Variants in GRIP1 observed in about 807,000 individuals in gnomAD.
The protein encoded by GRIP1 is glutamate receptor interacting protein 1.
In GRIP1, 45 loss-of-function variants were observed where a neutral mutation model predicts 129.9. The observed-to-expected ratio is 0.35, with a 90% CI of 0.27 to 0.44. The LOEUF (loss-of-function observed/expected upper bound fraction) is 0.44. GRIP1 is among the 20% of genes least tolerant of loss of function. The probability of loss-of-function intolerance (pLI) is 1.00; values close to 1 mark genes in which losing one functional copy is unlikely to be tolerated. For synonymous variants in GRIP1, 530 were observed against 520.8 expected (o/e 1.02, Z -0.24); for missense variants, 1,196 against 1,396.8 (o/e 0.86, Z 2.29).
rs539893078 is a variant in GRIP1 at position 67,056,920 on chromosome 12, C to T, written c.58+12130G>A. On this transcript the variant is annotated intron_variant, in intron 1 of 1. Coordinates refer to the GRIP1 transcript ENST00000643019. ...CCGCCTCCCGGGTTCAAGCGATTCT[C>T]CTGCCTCAATCTCCCAAGTAGCTGG... Among the ~76,000 whole-genome samples the T allele has an allele frequency of 9.5e-4, 145 of 152,268 alleles. 5 individuals carry two copies. In the South Asian group the frequency reaches 0.029, roughly 30 times the overall value.
At chr12:66,582,070 C>T (rs1351091729) in intron 2 of GRIP1, among the ~76,000 whole-genome samples, 1 of 152,156 alleles carries the variant, frequency 6.6e-6, no homozygotes, top group Non-Finnish European at 1.5e-5. Flanking sequence ...ATCAAGTGGG[C>T]TTCAACCCTG....
intron 7 of GRIP1, among the ~76,000 whole-genome samples, chr12:66,502,073 T>C (rs890537340): frequency 6.6e-6 from 1 of 152,170 alleles, no homozygotes; most frequent in Non-Finnish European, 1.5e-5. Flanking sequence ...TTTGTATTTA[T>C]GGTTACATCA....
At chr12:66,784,953 C>G (rs1236872480) in intron 1 of GRIP1, among the ~76,000 whole-genome samples, 1 of 152,152 alleles carries the variant, frequency 6.6e-6, no homozygotes, top group Non-Finnish European at 1.5e-5. Flanking sequence ...CCTGTGAGGT[C>G]TGACCAGCCC....
At chr12:66,428,060 A>G (rs2058039944) in intron 14 of GRIP1, among the ~76,000 whole-genome samples, 1 of 152,168 alleles carries the variant, frequency 6.6e-6, no homozygotes, top group Non-Finnish European at 1.5e-5. Flanking sequence ...CCCTGCAACA[A>G]ATGCTTCACT....
At chr12:66,499,975 C>T (rs2060345851) in intron 7 of GRIP1, among the ~76,000 whole-genome samples, 2 of 152,110 alleles carry the variant, frequency 1.3e-5, no homozygotes, top group Admixed American at 1.3e-4. Context: ...CTCACAACAG[C>T]CTGGGCGACA....
At chr12:66,395,912 T>C (rs1218460124) in intron 16 of GRIP1, among the ~76,000 whole-genome samples, 1 of 152,152 alleles carries the variant, frequency 6.6e-6, no homozygotes, top group Non-Finnish European at 1.5e-5. Flanking sequence ...GAGAGAAACA[T>C]CAAGATAGAG....
At chr12:66,844,707 G>A (rs1228404277) in intron 1 of GRIP1, among the ~76,000 whole-genome samples, 2 of 152,146 alleles carry the variant, frequency 1.3e-5, no homozygotes, top group African/African-American at 2.4e-5. Flanking sequence ...CAACCCAAAT[G>A]TCCATCAATG....
At chr12:66,589,649 CAG>C (rs2063781343) in intron 2 of GRIP1, among the ~76,000 whole-genome samples, 1 of 152,096 alleles carries the variant, frequency 6.6e-6, no homozygotes, top group African/African-American at 2.4e-5. Flanking sequence ...TATAAAATTA[CAG>C]AGAGTAAAGC....
At chr12:66,688,004 A>G (rs1418726663) in intron 1 of GRIP1, among the ~76,000 whole-genome samples, 1 of 152,184 alleles carries the variant, frequency 6.6e-6, no homozygotes, top group Non-Finnish European at 1.5e-5. Context: ...TTATCACCAC[A>G]TGGGAAAAGC....
chr12:66,458,084 T>C (rs1565759594), intron 9 of GRIP1, among the ~76,000 whole-genome samples: 2 of 152,242 alleles, frequency 1.3e-5, no homozygotes, highest in Non-Finnish European at 2.9e-5. Context: ...ATTTCACTCG[T>C]TGGACATTTA....
At chr12:66,847,535 T>C (rs1350756053) in intron 1 of GRIP1, among the ~76,000 whole-genome samples, 1 of 152,216 alleles carries the variant, frequency 6.6e-6, no homozygotes, top group East Asian at 1.9e-4. Context: ...CTTGTATTAA[T>C]CAGATGTTGC....
intron 1 of GRIP1, among the ~76,000 whole-genome samples, chr12:66,737,239 CCT>C (rs1255628856): frequency 1.3e-5 from 2 of 152,060 alleles, no homozygotes; most frequent in South Asian, 2.1e-4. Flanking sequence ...TGCAAATTGT[CCT>C]CTGTTTCACC....
At chr12:66,589,194 TTCTCTCTCTC>T (rs10582806) in intron 2 of GRIP1, among the ~76,000 whole-genome samples, 56 of 95,630 alleles carry the variant, frequency 5.9e-4, no homozygotes, top group African/African-American at 2.1e-3. Context: ...CTCCCCCACC[TTCTCTCTCTC>T]TCTCTCTCTC....
At chr12:66,930,462 T>C (rs1308139230) in intron 1 of GRIP1, among the ~76,000 whole-genome samples, 3 of 151,102 alleles carry the variant, frequency 2.0e-5, no homozygotes, top group African/African-American at 7.3e-5. Flanking sequence ...CTGCATAGTA[T>C]TCCATGGTGT....
chr12:66,467,357 TA>T (rs1438496627), intron 7 of GRIP1, among the ~76,000 whole-genome samples: 1 of 152,210 alleles, frequency 6.6e-6, no homozygotes, highest in East Asian at 1.9e-4. Flanking sequence ...GACATCAGAC[TA>T]GGGCCAATGA....
chr12:66,534,634 G>A (rs184106541), intron 4 of GRIP1, among the ~76,000 whole-genome samples: 7 of 151,788 alleles, frequency 4.6e-5, no homozygotes, highest in East Asian at 1.9e-4. Flanking sequence ...CTCCTTCTCC[G>A]TCTTTCTCCC....
At chr12:66,580,489 C>T (rs182823439) in intron 2 of GRIP1, among the ~76,000 whole-genome samples, 46 of 152,280 alleles carry the variant, frequency 3.0e-4, no homozygotes, top group African/African-American at 1.1e-3. Context: ...CAAGACCCAT[C>T]AGTGTGTTGT....
chr12:66,780,780 C>T (rs1592838929), intron 1 of GRIP1, among the ~76,000 whole-genome samples: 1 of 152,146 alleles, frequency 6.6e-6, no homozygotes, highest in Non-Finnish European at 1.5e-5. Context: ...CCATGCACTG[C>T]CGCTTTGCCC....
At chr12:66,431,598 A>T (rs943875513) in intron 14 of GRIP1, among the ~76,000 whole-genome samples, 4 of 152,230 alleles carry the variant, frequency 2.6e-5, no homozygotes, top group Non-Finnish European at 5.9e-5. Flanking sequence ...ATGCTATCCA[A>T]CAGAGTGCAG....
Sources: gnomAD v4.1 joint callset for allele counts (sites outside exome capture counted in the v4.1 genomes callset) on GRCh38, gnomAD v4.1.1 for gene constraint, MANE v1.5 for transcripts, NCBI Gene and HGNC (gene_info 2026-07-23, HGNC 2026-07-21) for gene names.